The following MED12L variants were observed in gnomAD, a reference collection of about 807,000 sequenced individuals.
MED12L encodes the protein mediator complex subunit 12L.
A neutral mutation model predicts 281.3 loss-of-function variants in MED12L; 60 were observed. That is an observed-to-expected ratio of 0.21 (90% CI 0.17 to 0.26). MED12L has a LOEUF of 0.26. Ranked by LOEUF, MED12L falls within the 10% of genes least tolerant of loss-of-function variation. The pLI is 1.00. For missense variants in MED12L, 2,146 were observed against 2,680.9 expected, an observed-to-expected ratio of 0.80 and a Z score of 4.41; for synonymous variants, 974 against 987.2, an observed-to-expected ratio of 0.99 and a Z score of 0.25.
chr3:151,171,969 T>C (rs1326896832), intron 11 of MED12L, among the ~76,000 whole-genome samples: 1 of 152,198 alleles, frequency 6.6e-6, no homozygotes, highest in Non-Finnish European at 1.5e-5. Flanking sequence ...ATTGAATTCA[T>C]TTTTTAGACC....
At chr3:151,307,092 A>G (rs531673688) in intron 16 of MED12L, among the ~76,000 whole-genome samples, 1 of 152,354 alleles carries the variant, frequency 6.6e-6, no homozygotes, top group African/African-American at 2.4e-5. Context: ...CACAAAAGCC[A>G]TCTGATAGAA....
chr3:151,397,623 T>C (rs1483175750), intron 39 of MED12L, among the ~76,000 whole-genome samples: 2 of 152,238 alleles, frequency 1.3e-5, no homozygotes, highest in Admixed American at 1.3e-4. Context: ...TAAGCAATAT[T>C]GATCAATTGT....
intron 16 of MED12L, among the ~76,000 whole-genome samples, chr3:151,309,121 A>G (rs891943147): frequency 6.7e-5 from 8 of 119,904 alleles, no homozygotes; most frequent in East Asian, 2.6e-4. Flanking sequence ...AAATACACGC[A>G]CACACACACA....
intron 11 of MED12L, among the ~76,000 whole-genome samples, chr3:151,169,076 T>C (rs1407170598): frequency 6.6e-6 from 1 of 151,940 alleles, no homozygotes; most frequent in Non-Finnish European, 1.5e-5. Context: ...TATTTACTCC[T>C]TAACAGGGGT....
rs1412454168 is a variant in MED12L, at chr3:151,193,382, A to C, written c.2074-108A>C. Reference sequence around the variant, plus strand: ...ATATTTTTTTGCTAAGTGGTTAAGTAGGAAAAGGTGTATAAGTGTCTTATG... The same window carrying C: ...ATATTTTTTTGCTAAGTGGTTAAGTCGGAAAAGGTGTATAAGTGTCTTATG... On this transcript the variant is annotated intron_variant, in intron 15 of 44. Transcript: ENST00000687756. 5 of 757,554 alleles carry C rather than the reference A, an allele frequency of 6.6e-6. No homozygotes were observed. The East Asian group carries it at 1.0e-4, about 16-fold the overall frequency. The allele number at this position is 757,554 out of a possible 1,614,324, so 46.9% of individuals were successfully genotyped here.
chr3:151,141,187 G>GTTTTTGTTTTTTTGTTTTTT (rs1560087907), intron 5 of MED12L, among the ~76,000 whole-genome samples: 2 of 99,106 alleles, frequency 2.0e-5, no homozygotes, highest in East Asian at 3.6e-4. Flanking sequence ...TGTTTTTTTT[G>GTTTTTGTTTTTTTGTTTTTT]TTTTTTTTTT....
chr3:151,430,472 A>G (rs1719361764), intron 44 of MED12L, 92 bp downstream of exon 44: 1 of 1,578,118 alleles, frequency 6.3e-7, no homozygotes, highest in Admixed American at 1.8e-5. Flanking sequence ...CCAAGATGGT[A>G]CCATCTTCCT....
At chr3:151,282,571 A>G (rs1432153506) in intron 16 of MED12L, among the ~76,000 whole-genome samples, 1 of 152,182 alleles carries the variant, frequency 6.6e-6, no homozygotes, top group East Asian at 1.9e-4. Flanking sequence ...GCATATTTGG[A>G]AATTGTCCTC....
At chr3:151,259,644 T>A (rs1430733585) in intron 16 of MED12L, among the ~76,000 whole-genome samples, 1 of 152,184 alleles carries the variant, frequency 6.6e-6, no homozygotes, top group Admixed American at 6.5e-5. Flanking sequence ...TCAAGATAGG[T>A]AGGTTTTACT....
chr3:151,165,685 G>A (rs999600388), intron 10 of MED12L, among the ~76,000 whole-genome samples, 161 bp from the exon 11 acceptor site: 7 of 152,200 alleles, frequency 4.6e-5, no homozygotes, highest in Non-Finnish European at 2.9e-5. Context: ...TGGCTGTCTA[G>A]AATGTCAAGT....
chr3:151,401,046 T>G (rs575467921), intron 39 of MED12L, among the ~76,000 whole-genome samples: 98 of 152,308 alleles, frequency 6.4e-4, no homozygotes, highest in Middle Eastern at 3.4e-3. Context: ...ATCTATACGT[T>G]TGCATCCATC....
At chr3:151,229,890 T>A (rs1157775520) in intron 16 of MED12L, among the ~76,000 whole-genome samples, 1 of 152,204 alleles carries the variant, frequency 6.6e-6, no homozygotes, top group African/African-American at 2.4e-5. Context: ...AGCTTGAAGA[T>A]GTTGTTCAAG....
chr3:151,220,564 TG>T (rs1435320878), intron 16 of MED12L, among the ~76,000 whole-genome samples: 2 of 152,152 alleles, frequency 1.3e-5, no homozygotes, highest in East Asian at 3.8e-4. Context: ...GATTGAATTA[TG>T]GGGGTGGGTC....
At chr3:151,392,022 A>G (rs1205222156) in intron 38 of MED12L, among the ~76,000 whole-genome samples, 1 of 150,930 alleles carries the variant, frequency 6.6e-6, no homozygotes. Context: ...TTGTAGATGT[A>G]GAAGTTTGTT....
chr3:151,328,707 G>T lies in MED12L; in HGVS notation c.2251-21352G>T, dbSNP rs750882702. 2.5e-5 allele frequency: 40 copies of T among 1,613,816 alleles called. No individual in the cohort carries two copies. In the South Asian group the frequency reaches 3.6e-4, roughly 15 times the overall value. On this transcript the variant is annotated intron_variant, in intron 16 of 44. Transcript: ENST00000687756. Reference sequence around the variant, plus strand: ...TCATAAAATATCACCGAAGAAAAACGACACACAAAAGCTCTGAGCTGCCAG... The same window carrying T: ...TCATAAAATATCACCGAAGAAAAACTACACACAAAAGCTCTGAGCTGCCAG...
At chr3:151,386,906 A>G (rs1224003272) in intron 36 of MED12L, among the ~76,000 whole-genome samples, 2 of 151,936 alleles carry the variant, frequency 1.3e-5, no homozygotes, top group Non-Finnish European at 2.9e-5. Context: ...ACGGGGTTTC[A>G]CCATGTTGGC....
intron 16 of MED12L, among the ~76,000 whole-genome samples, chr3:151,211,496 G>A (rs1211324983): frequency 6.9e-6 from 1 of 144,550 alleles, no homozygotes; most frequent in African/African-American, 2.6e-5. Context: ...TTTATTTTTT[G>A]AGACGGTCTG....
At chr3:151,125,779 G>A (rs957638036) in intron 4 of MED12L, among the ~76,000 whole-genome samples, 33 of 152,288 alleles carry the variant, frequency 2.2e-4, no homozygotes, top group Admixed American at 5.2e-4. Context: ...TGAGAGATGT[G>A]CCTTGTAAGC....
chr3:151,250,638 A>G (rs775123734), intron 16 of MED12L, among the ~76,000 whole-genome samples: 2 of 152,206 alleles, frequency 1.3e-5, no homozygotes, highest in East Asian at 1.9e-4. Context: ...ATTCCGCTCT[A>G]TGTATATACC....
Sources: gnomAD v4.1 joint callset for allele counts (sites outside exome capture counted in the v4.1 genomes callset) on GRCh38, gnomAD v4.1.1 for gene constraint, MANE v1.5 for transcripts, NCBI Gene and HGNC (gene_info 2026-07-23, HGNC 2026-07-21) for gene names.